The following DMXL1 variants were observed in gnomAD, a reference collection of about 807,000 sequenced individuals.
The protein encoded by DMXL1 is Dmx like 1.
DMXL1 carries 99 observed loss-of-function variants against 319.2 expected under a neutral mutation model. The observed-to-expected ratio is 0.31, with a 90% CI of 0.26 to 0.37. The LOEUF (loss-of-function observed/expected upper bound fraction) is 0.37, where lower values mean the gene tolerates loss of function less well. Ranked by LOEUF, DMXL1 falls within the 10% of genes least tolerant of loss-of-function variation. DMXL1 has a pLI of 1.00. For synonymous variants in DMXL1, 1,385 were observed against 1,235.2 expected, an observed-to-expected ratio of 1.12 and a Z score of -2.54; for missense variants, 3,745 against 3,595.6, an observed-to-expected ratio of 1.04 and a Z score of -1.06.
At chr5:119,241,257 C>T (rs761180472) in intron 42 of DMXL1, among the ~76,000 whole-genome samples, 2 of 152,036 alleles carry the variant, frequency 1.3e-5, no homozygotes, top group African/African-American at 2.4e-5. Flanking sequence ...TGAGGCCGGG[C>T]GCAGTGGCTC....
chr5:119,147,134 A>T, intron 16 of DMXL1, 115 bp from the exon 17 acceptor site: 1 of 1,111,246 alleles, frequency 9.0e-7, no homozygotes, highest in South Asian at 1.5e-5. Context: ...GAATCATATT[A>T]ATATGTTTAC....
At chr5:119,080,458 C>T (rs1200162891) in intron 1 of DMXL1, among the ~76,000 whole-genome samples, 1 of 152,300 alleles carries the variant, frequency 6.6e-6, no homozygotes, top group East Asian at 1.9e-4. Flanking sequence ...TGTTCATTAT[C>T]TCTGTGAATG....
chr5:119,210,412 C>T (rs975637497), intron 34 of DMXL1, among the ~76,000 whole-genome samples: 1 of 152,162 alleles, frequency 6.6e-6, no homozygotes, highest in Admixed American at 6.6e-5. Context: ...TTCAGTATTA[C>T]ATTTAGGTCT....
intron 5 of DMXL1, among the ~76,000 whole-genome samples, chr5:119,111,379 T>A (rs1392921986): frequency 2.6e-5 from 4 of 152,204 alleles, no homozygotes; most frequent in African/African-American, 9.6e-5. Flanking sequence ...AAAATATCTC[T>A]AACATTTTAA....
intron 13 of DMXL1, among the ~76,000 whole-genome samples, chr5:119,141,916 C>T (rs1767447497): frequency 6.6e-6 from 1 of 151,952 alleles, no homozygotes; most frequent in South Asian, 2.1e-4. Flanking sequence ...CAAAAACAGG[C>T]ACATTGACCA....
chr5:119,222,044 CAAA>C (rs201597270), intron 37 of DMXL1, among the ~76,000 whole-genome samples: 1 of 146,290 alleles, frequency 6.8e-6, no homozygotes, highest in Admixed American at 6.8e-5. Flanking sequence ...TTTCCTTGGC[CAAA>C]AAAAAAATTA....
chr5:119,091,725 G>C (rs1754836759), intron 1 of DMXL1, among the ~76,000 whole-genome samples: 1 of 152,138 alleles, frequency 6.6e-6, no homozygotes, highest in Non-Finnish European at 1.5e-5. Flanking sequence ...AAAGTGAGGA[G>C]ATCCCACAGG....
intron 26 of DMXL1, 65 bp downstream of exon 26, chr5:119,175,402 G>C: frequency 8.3e-7 from 1 of 1,211,184 alleles, no homozygotes; most frequent in Non-Finnish European, 1.2e-6. Context: ...TATTTTGTAT[G>C]TTAGTGGTTT....
chr5:119,197,260 G>A (rs948376369), intron 31 of DMXL1, among the ~76,000 whole-genome samples: 2 of 152,114 alleles, frequency 1.3e-5, no homozygotes, highest in South Asian at 4.2e-4. Flanking sequence ...GGCCACACAG[G>A]AAGAAGAATA....
chr5:119,133,930 C>T lies in DMXL1; in HGVS notation c.2006C>T (p.Pro669Leu), dbSNP rs1376770799. Residue 669 changes from proline (P) to leucine (L), a missense_variant, in exon 12 of 44, where the codon CCA (proline) becomes CTA (leucine). Coordinates refer to ENST00000539542, the MANE Select transcript of DMXL1 (RefSeq NM_001290321.3). ...NALRTPDVDN[P>L]EQPFDALNIE... Reference sequence around the variant, plus strand: ...TTAAGGACACCAGATGTTGATAACCCAGAGCAACCTTTTGATGCTCTAAAT... The same window carrying T: ...TTAAGGACACCAGATGTTGATAACCTAGAGCAACCTTTTGATGCTCTAAAT... The T allele has an allele frequency of 6.2e-7, 1 of 1,614,124 alleles. No homozygotes were observed.
rs1326139919 is a variant in DMXL1, at chr5:119,248,533, T to C, written c.*1314T>C. 3 of 152,452 alleles carry C rather than the reference T, an allele frequency of 2.0e-5. No individual in the cohort carries two copies. The highest frequency in any genetic ancestry group is 2.0e-4 in the Admixed American group (3 of 15,268). The allele number at this position is 152,452 out of a possible 1,614,324, so 9.4% of individuals were successfully genotyped here. ...GTGTTTATGGGACAATTATGTACTA[T>C]TTAACTTAAATATATTTTGTTTAAT... is the stretch of plus-strand genomic sequence containing the variant. On this transcript the variant is annotated 3_prime_UTR_variant, in exon 44 of 44. Coordinates refer to ENST00000539542, the MANE Select transcript of DMXL1 (RefSeq NM_001290321.3).
At chr5:119,073,207 T>C (rs1343177759) in intron 1 of DMXL1, among the ~76,000 whole-genome samples, 1 of 152,146 alleles carries the variant, frequency 6.6e-6, no homozygotes, top group Non-Finnish European at 1.5e-5. Context: ...GGACTACAGA[T>C]TCTAATCACC....
At chr5:119,165,967 C>T (rs1249175629) in intron 21 of DMXL1, among the ~76,000 whole-genome samples, 1 of 152,136 alleles carries the variant, frequency 6.6e-6, no homozygotes, top group Non-Finnish European at 1.5e-5. Flanking sequence ...ATGGTGGAGT[C>T]TGGAACAGGC....
At chr5:119,138,452 G>A (rs1766531032) in intron 13 of DMXL1, among the ~76,000 whole-genome samples, 1 of 152,158 alleles carries the variant, frequency 6.6e-6, no homozygotes, top group African/African-American at 2.4e-5. Context: ...TTCAGAGAGA[G>A]GTCTGGCCTG....
intron 18 of DMXL1, 63 bp from the exon 19 acceptor site, chr5:119,151,866 T>G: frequency 1.0e-6 from 1 of 996,900 alleles, no homozygotes; most frequent in Non-Finnish European, 1.6e-6. Flanking sequence ...TATGCCTATA[T>G]TGGGTGTTCT....
chr5:119,187,757 G>C (rs1255224343), intron 28 of DMXL1, among the ~76,000 whole-genome samples: 2 of 152,080 alleles, frequency 1.3e-5, no homozygotes, highest in African/African-American at 4.8e-5. Flanking sequence ...CCCCCTCCCA[G>C]GTTCAAGCAA....
chr5:119,117,378 G>T (rs763548157), intron 7 of DMXL1, among the ~76,000 whole-genome samples: 1 of 152,034 alleles, frequency 6.6e-6, no homozygotes, highest in African/African-American at 2.4e-5. Context: ...TTTTCAACTT[G>T]GCCACACCAT....
intron 34 of DMXL1, among the ~76,000 whole-genome samples, chr5:119,209,973 A>T (rs532694565): frequency 0.014 from 2,091 of 151,780 alleles, 46 homozygotes; most frequent in African/African-American, 0.048. Context: ...TTTTCATTTT[A>T]TTTATTTATT....
At chr5:119,095,529 T>C (rs1240336585) in intron 1 of DMXL1, among the ~76,000 whole-genome samples, 2 of 152,204 alleles carry the variant, frequency 1.3e-5, no homozygotes, top group Admixed American at 1.3e-4. Flanking sequence ...AGGTAGATAA[T>C]TTCAGGTACA....
Sources: allele counts gnomAD v4.1 joint callset (sites outside exome capture counted in the v4.1 genomes callset), GRCh38; gene constraint gnomAD v4.1.1; transcripts MANE v1.5; gene names NCBI Gene and HGNC (gene_info 2026-07-23, HGNC 2026-07-21).